The following HSD17B3 variants were observed in gnomAD, a reference collection of about 807,000 sequenced individuals.
HSD17B3 encodes 17-beta-hydroxysteroid dehydrogenase type 3.
A neutral mutation model predicts 41.1 loss-of-function variants in HSD17B3; 29 were observed. The ratio of observed to expected loss-of-function variants is 0.71; its 90% CI spans 0.53 to 0.96. The LOEUF (loss-of-function observed/expected upper bound fraction) is 0.96, where lower values mean the gene tolerates loss of function less well. Among genes scored for constraint, HSD17B3 ranks in the 40% least tolerant of loss-of-function variants. The pLI is 0.00. For synonymous variants in HSD17B3, 126 were observed against 145.6 expected, an observed-to-expected ratio of 0.87 and a Z score of 0.97; for missense variants, 323 against 374.6, an observed-to-expected ratio of 0.86 and a Z score of 1.14.
At chr9:96,244,941 T>C (rs1394021437) in intron 8 of HSD17B3, among the ~76,000 whole-genome samples, 1 of 152,052 alleles carries the variant, frequency 6.6e-6, no homozygotes, top group Non-Finnish European at 1.5e-5. Context: ...GATAAATCCA[T>C]CCCTAGGGCC....
At chr9:96,297,885 A>C (rs1284443747) in intron 2 of HSD17B3, among the ~76,000 whole-genome samples, 1 of 152,214 alleles carries the variant, frequency 6.6e-6, no homozygotes, top group African/African-American at 2.4e-5. Context: ...CAATCTATCT[A>C]TCTACAGAGA....
At chr9:96,245,493 C>A in intron 7 of HSD17B3, 67 bp from the exon 8 acceptor site, 2 of 1,208,700 alleles carry the variant, frequency 1.7e-6, no homozygotes, top group Non-Finnish European at 2.5e-6. Flanking sequence ...ACAAAGAAAA[C>A]AAAGGGTCCC....
At chr9:96,273,944 A>G (rs183831389) in intron 2 of HSD17B3, among the ~76,000 whole-genome samples, 39 of 152,298 alleles carry the variant, frequency 2.6e-4, no homozygotes, top group African/African-American at 8.9e-4. Context: ...GCCAGTTAAT[A>G]AAGACTGGAA....
intron 2 of HSD17B3, among the ~76,000 whole-genome samples, chr9:96,297,275 G>C (rs567965868): frequency 3.3e-5 from 5 of 150,016 alleles, no homozygotes; most frequent in African/African-American, 1.2e-4. Flanking sequence ...TGTATTTCTA[G>C]GATTACTTAT....
At chr9:96,279,070 C>G (rs760948884) in intron 2 of HSD17B3, among the ~76,000 whole-genome samples, 4 of 152,182 alleles carry the variant, frequency 2.6e-5, no homozygotes, top group Admixed American at 6.5e-5. Context: ...GGATGTGGGA[C>G]CAAATCACAG....
At chr9:96,249,607 C>T in intron 6 of HSD17B3, 144 bp downstream of exon 6, 1 of 730,704 alleles carries the variant, frequency 1.4e-6, no homozygotes, top group Non-Finnish European at 2.4e-6. Flanking sequence ...AAGACAATTA[C>T]AAGACCACGA....
intron 2 of HSD17B3, among the ~76,000 whole-genome samples, chr9:96,297,543 C>T (rs1246699792): frequency 6.6e-6 from 1 of 152,036 alleles, no homozygotes; most frequent in Non-Finnish European, 1.5e-5. Flanking sequence ...GATGAGGTTT[C>T]ACCATGTTGG....
chr9:96,290,452 T>C lies in HSD17B3; in HGVS notation c.201+7964A>G, dbSNP rs557118577. 5.8e-3 allele frequency among the ~76,000 whole-genome samples: 555 copies of C among 95,512 alleles called. 2 individuals carry two copies. Among genetic ancestry groups the C allele is most frequent in the Non-Finnish European group, 8.7e-3 (434 of 49,628 alleles). The allele number at this position is 95,512 out of a possible 152,430, so 62.7% of individuals were successfully genotyped here. A position where few individuals can be genotyped will look rare whatever the true frequency, so the allele number is the denominator to read the frequency against. On this transcript the variant is annotated intron_variant, in intron 2 of 10. Transcript: ENST00000375263. ...TGAGGAAGGGCACTGTGGTATTTCC[T>C]GGGCTTTTTTTTTTTTTTTTTTTTT... is the stretch of plus-strand genomic sequence containing the variant.
intron 1 of HSD17B3, among the ~76,000 whole-genome samples, chr9:96,299,600 A>G (rs1173498478): frequency 6.6e-6 from 1 of 152,164 alleles, no homozygotes; most frequent in African/African-American, 2.4e-5. Flanking sequence ...TTAATGTTCA[A>G]AACAAACCTA....
intron 10 of HSD17B3, 80 bp from the exon 11 acceptor site, chr9:96,235,650 T>C (rs1836207860): frequency 6.0e-6 from 7 of 1,159,398 alleles, no homozygotes; most frequent in South Asian, 1.3e-5. Flanking sequence ...TTTAAAAATA[T>C]TTTTTTCTGA....
chr9:96,254,149 A>C lies in HSD17B3; in HGVS notation c.277+719T>G, dbSNP rs1331577653. On this transcript the variant is annotated intron_variant, in intron 3 of 10. Coordinates refer to ENST00000375263, the MANE Select transcript of HSD17B3 (RefSeq NM_000197.2). ...ATTAACAAAAGAACACTTCAGAGCAAATCATCATAATAAAACATTATGATA... is the reference window on the plus strand; with the variant it reads ...ATTAACAAAAGAACACTTCAGAGCACATCATCATAATAAAACATTATGATA... Among the ~76,000 whole-genome samples the C allele has an allele frequency of 2.0e-5, 3 of 152,238 alleles. No homozygotes were observed. The East Asian group carries it at 5.8e-4, about 29-fold the overall frequency.
chr9:96,259,128 T>G (rs914714672), intron 2 of HSD17B3, among the ~76,000 whole-genome samples: 3 of 152,116 alleles, frequency 2.0e-5, no homozygotes, highest in South Asian at 4.1e-4. Context: ...TCTGCTTGCT[T>G]TCATTTGCAG....
intron 2 of HSD17B3, among the ~76,000 whole-genome samples, chr9:96,283,719 A>G (rs1248121162): frequency 6.6e-6 from 1 of 151,146 alleles, no homozygotes; most frequent in Non-Finnish European, 1.5e-5. Flanking sequence ...GTCATCCACA[A>G]AAAAAATTGT....
chr9:96,291,435 C>A (rs1205448323), intron 2 of HSD17B3, among the ~76,000 whole-genome samples: 1 of 149,274 alleles, frequency 6.7e-6, no homozygotes, highest in South Asian at 2.1e-4. Context: ...TAGTCAGTTC[C>A]CCCTCCTCTC....
At chr9:96,255,367 C>CTTTTTTTTTTTTTTTTTTATTTTTTTT (rs1825598006) in intron 2 of HSD17B3, among the ~76,000 whole-genome samples, 1 of 54,546 alleles carries the variant, frequency 1.8e-5, no homozygotes, top group Non-Finnish European at 3.4e-5. Context: ...CCCAACATTT[C>CTTTTTTTTTTTTTTTTTTATTTTTTTT]TTTTTTTTTT....
intron 2 of HSD17B3, among the ~76,000 whole-genome samples, chr9:96,272,446 T>TATAA (rs34436322): frequency 1.2e-3 from 102 of 85,712 alleles, no homozygotes; most frequent in East Asian, 3.7e-3. Context: ...TATATATATA[T>TATAA]AAAATATATA....
chr9:96,302,074 G>A lies in HSD17B3; in HGVS notation c.31C>T (p.Leu11Phe), dbSNP rs1177857442. 5.6e-6 allele frequency: 9 copies of A among 1,613,988 alleles called. No homozygotes were observed. Among genetic ancestry groups the A allele is most frequent in the Non-Finnish European group, 6.8e-6 (8 of 1,180,026 alleles). MGDVLEQFFI[L>F]TGLLVCLACL... Reference sequence around the variant, plus strand: ...GCCAGGCACACCAGCAGCCCTGTGAGGATGAAGAACTGTTCCAGGACGTCC... The same window carrying A: ...GCCAGGCACACCAGCAGCCCTGTGAAGATGAAGAACTGTTCCAGGACGTCC... Residue 11 changes from leucine (L) to phenylalanine (F), a missense_variant, in exon 1 of 11, where the codon CTC becomes TTC. By Grantham distance (22) the Leu-to-Phe change is conservative. Transcript: ENST00000375263.
Position 96,245,283 on chromosome 9 carries a change from A to G in HSD17B3, c.606+62T>C, listed in dbSNP as rs148338744. On this transcript the variant is annotated intron_variant, in intron 8 of 10. Coordinates refer to ENST00000375263, the MANE Select transcript of HSD17B3 (RefSeq NM_000197.2). Reference sequence around the variant, plus strand: ...TCAACTTGCCAGATGATCAAAGGAAATTGCCAACTGGGAGAAATAAGAGGA... The same window carrying G: ...TCAACTTGCCAGATGATCAAAGGAAGTTGCCAACTGGGAGAAATAAGAGGA... 4.8e-5 allele frequency: 63 copies of G among 1,304,710 alleles called. No individual in the cohort carries two copies. The African/African-American group carries it at 6.9e-4, about 14-fold the overall frequency. 80.8% of individuals were successfully genotyped at this position (1,304,710 alleles called of 1,614,324 possible). A position where few individuals can be genotyped will look rare whatever the true frequency, so the allele number is the denominator to read the frequency against.
At chr9:96,250,609 G>T in intron 5 of HSD17B3, 2 of 368,794 alleles carry the variant, frequency 5.4e-6, no homozygotes, top group Non-Finnish European at 7.8e-6. Context: ...AAATGCGGCC[G>T]GGCGCAGTGG....
Sources: gnomAD v4.1 joint callset for allele counts (sites outside exome capture counted in the v4.1 genomes callset) on GRCh38, gnomAD v4.1.1 for gene constraint, MANE v1.5 for transcripts, NCBI Gene and HGNC (gene_info 2026-07-23, HGNC 2026-07-21) for gene names.